Variants in DZIP1L observed in about 807,000 individuals in gnomAD.
DZIP1L encodes the protein DAZ interacting zinc finger protein 1 like.
DZIP1L carries 90 observed loss-of-function variants against 88.7 expected under a neutral mutation model. The ratio of observed to expected loss-of-function variants is 1.02; its 90% CI spans 0.86 to 1.21. DZIP1L has a LOEUF of 1.21. DZIP1L is among the 50% of genes most tolerant of loss of function. The pLI, the probability that DZIP1L is intolerant of heterozygous loss-of-function variation, is 0.00. For synonymous variants in DZIP1L, 363 were observed against 372.1 expected (o/e 0.98, Z 0.28); for missense variants, 932 against 955.8 (o/e 0.98, Z 0.33).
chr3:138,096,568 A>C (rs901558300), intron 3 of DZIP1L, among the ~76,000 whole-genome samples: 7 of 152,258 alleles, frequency 4.6e-5, no homozygotes, highest in African/African-American at 1.7e-4. Context: ...CAGAGAATAC[A>C]CCAAAATATT....
intron 2 of DZIP1L, chr3:138,101,887 G>C (rs1295334595): frequency 7.0e-7 from 1 of 1,424,554 alleles, no homozygotes; most frequent in Non-Finnish European, 9.9e-7. Context: ...CTTGGCGTTG[G>C]CATCCTTAAT....
chr3:138,104,735 G>A (rs1050984121), intron 1 of DZIP1L, among the ~76,000 whole-genome samples: 3 of 152,160 alleles, frequency 2.0e-5, no homozygotes, highest in Non-Finnish European at 4.4e-5. Context: ...TCTGCCACAT[G>A]GTGCTCAATC....
intron 1 of DZIP1L, chr3:138,112,230 G>T (rs1403376594): frequency 6.6e-6 from 1 of 152,102 alleles, no homozygotes; most frequent in Non-Finnish European, 1.5e-5. Context: ...TGCTCACTCA[G>T]CTACTAAATA....
intron 11 of DZIP1L, among the ~76,000 whole-genome samples, chr3:138,074,233 GATC>G (rs1175100911): frequency 6.6e-6 from 1 of 152,136 alleles, no homozygotes; most frequent in Non-Finnish European, 1.5e-5. Flanking sequence ...ATTGCAAAAA[GATC>G]ATCACCTAAG....
intron 1 of DZIP1L, among the ~76,000 whole-genome samples, chr3:138,105,025 T>A (rs931842657): frequency 1.6e-4 from 25 of 152,332 alleles, no homozygotes; most frequent in Middle Eastern, 6.8e-3. Flanking sequence ...AAGTACAATG[T>A]ATCTCTATGC....
intron 7 of DZIP1L, 58 bp from the exon 8 acceptor site, chr3:138,084,311 G>C: frequency 6.3e-7 from 1 of 1,579,116 alleles, no homozygotes; most frequent in Non-Finnish European, 8.6e-7. Context: ...TTAGTGCCTG[G>C]TGTCTGCAGG....
intron 2 of DZIP1L, among the ~76,000 whole-genome samples, chr3:138,100,716 G>A (rs1038390041): frequency 6.6e-6 from 1 of 152,208 alleles, no homozygotes; most frequent in Non-Finnish European, 1.5e-5. Context: ...AGTGTTATAA[G>A]CAGAAATAGG....
At chr3:138,087,746 C>G (rs1321124499) in intron 6 of DZIP1L, among the ~76,000 whole-genome samples, 1 of 152,168 alleles carries the variant, frequency 6.6e-6, no homozygotes, top group Non-Finnish European at 1.5e-5. Flanking sequence ...GAAAGATAAG[C>G]ACAACATGAT....
Position 138,062,913 on chromosome 3 carries a change from T to C in DZIP1L, c.2207A>G (p.Gln736Arg). Reference protein sequence around the residue: ...SLEDLPLDLDQREKPKPLSRS... With the variant: ...SLEDLPLDLDRREKPKPLSRS... ...AGACAAGGGCTTGGGTTTCTCTCTC[T>C]GGTCCAGGTCCAGAGGAAGATCTTC... The change falls in exon 16 of 16, where the codon CAG becomes CGG. Residue 736 changes from glutamine (Q) to arginine (R), a missense_variant. Coordinates refer to ENST00000327532, the MANE Select transcript of DZIP1L (RefSeq NM_173543.3). 6.2e-7 allele frequency: 1 copy of C among 1,614,210 alleles called. No individual in the cohort carries two copies. The highest frequency in any genetic ancestry group is 8.5e-7 in the Non-Finnish European group (1 of 1,180,034).
chr3:138,080,159 C>T (rs1440003990), intron 10 of DZIP1L, among the ~76,000 whole-genome samples: 1 of 152,168 alleles, frequency 6.6e-6, no homozygotes, highest in Non-Finnish European at 1.5e-5. Context: ...CTATCTGCAG[C>T]ACACTCACAA....
At position 138,084,226 on chromosome 3, in the gene DZIP1L, C is replaced by A; in HGVS notation, c.1090G>T (p.Ala364Ser). 6.2e-7 allele frequency: 1 copy of A among 1,614,128 alleles called. No individual in the cohort carries two copies. The highest frequency in any genetic ancestry group is 8.5e-7 in the Non-Finnish European group (1 of 1,179,990). The change falls in exon 8 of 16, where the codon GCC becomes TCC. Residue 364 changes from alanine (A) to serine (S), a missense_variant. Transcript: ENST00000327532. ...TTCTTCTGATCCTGAGACAGGGAGG[C>A]CTGGAGCCTCTGGTTCTCCTCCTGT... is the stretch of plus-strand genomic sequence containing the variant. ...ELQEENQRLQ[A>S]SLSQDQKKAA... is the part of the protein sequence containing the mutation.
chr3:138,067,902 G>T (rs1189835251), intron 13 of DZIP1L, among the ~76,000 whole-genome samples: 1 of 152,204 alleles, frequency 6.6e-6, no homozygotes, highest in East Asian at 1.9e-4. Context: ...CCCATCTGAG[G>T]ATCCAGCCCC....
intron 14 of DZIP1L, among the ~76,000 whole-genome samples, chr3:138,066,646 G>C (rs1942915688): frequency 6.6e-6 from 1 of 151,976 alleles, no homozygotes; most frequent in Admixed American, 6.6e-5. Context: ...TGTGCGAAGA[G>C]ATCCACACAG....
chr3:138,069,062 TG>T (rs1943050910), intron 12 of DZIP1L: 3 of 1,196,476 alleles, frequency 2.5e-6, no homozygotes, highest in South Asian at 3.9e-5. Context: ...CGAAACAACG[TG>T]GGGTTGAACA....
At chr3:138,109,834 T>C (rs2042588571) in intron 1 of DZIP1L, among the ~76,000 whole-genome samples, 1 of 152,176 alleles carries the variant, frequency 6.6e-6, no homozygotes, top group African/African-American at 2.4e-5. Context: ...CTGGAAATCA[T>C]CATTCTCAGC....
intron 15 of DZIP1L, chr3:138,064,274 T>G (rs55984301): frequency 1.0e-6 from 1 of 966,590 alleles, no homozygotes; most frequent in African/African-American, 1.7e-5. Context: ...AGTGAGGGAC[T>G]GGGGAGGAGC....
At chr3:138,095,595 A>G (rs1944434560) in intron 3 of DZIP1L, among the ~76,000 whole-genome samples, 1 of 152,154 alleles carries the variant, frequency 6.6e-6, no homozygotes, top group Non-Finnish European at 1.5e-5. Flanking sequence ...CCTGACCAAC[A>G]TGGTGAAACC....
At chr3:138,109,153 G>T (rs756676636) in intron 1 of DZIP1L, among the ~76,000 whole-genome samples, 2 of 152,200 alleles carry the variant, frequency 1.3e-5, no homozygotes, top group African/African-American at 2.4e-5. Flanking sequence ...GCTTCCAAAA[G>T]TACCTCTCTA....
At position 138,063,526 on chromosome 3, in the gene DZIP1L, C is replaced by A. The variant is rs1478647548; in HGVS notation, c.2143-549G>T. On this transcript the variant is annotated intron_variant, in intron 15 of 15. Coordinates refer to ENST00000327532, the MANE Select transcript of DZIP1L (RefSeq NM_173543.3). This position sits in a 1 kb window ranked among gnomAD's most constrained non-coding sequence, Gnocchi z 4.1. ...CAGAGTCAGCCAAGGGACCAGGCCA[C>A]CCCCTGACCACAGCCACCTGCGTAG... 1.3e-5 allele frequency among the ~76,000 whole-genome samples: 2 copies of A among 152,186 alleles called. No individual in the cohort carries two copies. The highest frequency in any genetic ancestry group is 1.3e-4 in the Admixed American group (2 of 15,284).
Sources: allele counts gnomAD v4.1 joint callset (sites outside exome capture counted in the v4.1 genomes callset), GRCh38; gene constraint gnomAD v4.1.1; non-coding constraint Gnocchi (gnomAD v3.1); transcripts MANE v1.5; gene names NCBI Gene and HGNC (gene_info 2026-07-23, HGNC 2026-07-21).